Variants in BRIP1 observed in about 807,000 individuals in gnomAD.
BRIP1 encodes the protein Fanconi anemia group J protein.
Under a neutral mutation model 119.7 loss-of-function variants are expected in BRIP1, and 88 were observed. The ratio of observed to expected loss-of-function variants is 0.74; its 90% CI spans 0.62 to 0.88. BRIP1 has a LOEUF of 0.88. Among genes scored for constraint, BRIP1 ranks in the 40% least tolerant of loss-of-function variants. The probability of loss-of-function intolerance (pLI) is 0.00; values close to 1 mark genes in which losing one functional copy is unlikely to be tolerated. For missense variants in BRIP1, 1,259 were observed against 1,455.4 expected (o/e 0.87, Z 2.20); for synonymous variants, 443 against 496.5 (o/e 0.89, Z 1.43).
Position 61,802,083 on chromosome 17 carries a change from G to C in BRIP1, c.919-609C>G, listed in dbSNP as rs545337990. ...ATTATCCATAATTCTATTACACAAA[G>C]AATGCACTAGAAACATTTTGGTGTA... On this transcript the variant is annotated intron_variant, in intron 7 of 19. Transcript: ENST00000259008. This position sits in a 1 kb window ranked among gnomAD's most constrained non-coding sequence, Gnocchi z 6.0. Among the ~76,000 whole-genome samples the C allele has an allele frequency of 1.3e-5, 2 of 152,210 alleles. No individual in the cohort carries two copies. The highest frequency in any genetic ancestry group is 4.8e-5 in the African/African-American group (2 of 41,532).
In BRIP1 at chr17:61,847,118, A is replaced by G; in HGVS notation, c.610T>C (p.Ser204Pro). 1 of 1,613,798 alleles carries G rather than the reference A, an allele frequency of 6.2e-7. No homozygotes were observed. Among genetic ancestry groups the G allele is most frequent in the Non-Finnish European group, 8.5e-7 (1 of 1,179,818 alleles). ...ATACATACTTTCTGTGGCGAAAAGG[A>G]GTTTATCTTTTCCAGTGGAGAGTTG... ...KLNSPLEKIN[S>P]FSPQKPPGHC... is the part of the protein sequence containing the mutation. The change falls in exon 6 of 20, where the codon TCC (serine) becomes CCC (proline). Residue 204 changes from serine (S) to proline (P), a missense_variant. Physicochemically the swap from Ser to Pro is moderately conservative, Grantham distance 74. Transcript: ENST00000259008.
In BRIP1 at chr17:61,703,090, A is replaced by T. The variant is rs777266426; in HGVS notation, c.2493-9578T>A. Among the ~76,000 whole-genome samples the T allele has an allele frequency of 4.6e-5, 7 of 151,364 alleles. No individual in the cohort carries two copies. Among genetic ancestry groups the T allele is most frequent in the Non-Finnish European group, 1.0e-4 (7 of 67,920 alleles). ...TGTTTGTTTGTTTGTTTTGAGACAG[A>T]GTCTCACTCTATTGCCCAGGCTGAA... On this transcript the variant is annotated intron_variant, in intron 17 of 19. Transcript: ENST00000259008. This position sits in a 1 kb window ranked among gnomAD's most constrained non-coding sequence, Gnocchi z 5.0.
At position 61,831,721 on chromosome 17, in the gene BRIP1, T is replaced by G. The variant is rs2145623014; in HGVS notation, c.627+15380A>C. Among the ~76,000 whole-genome samples, 1 of 152,358 alleles carries G rather than the reference T, an allele frequency of 6.6e-6. No individual in the cohort carries two copies. Among genetic ancestry groups the G allele is most frequent in the Admixed American group, 6.5e-5 (1 of 15,304 alleles). On this transcript the variant is annotated intron_variant, in intron 6 of 19. Coordinates refer to ENST00000259008, the MANE Select transcript of BRIP1 (RefSeq NM_032043.3). This position sits in a 1 kb window ranked among gnomAD's most constrained non-coding sequence, Gnocchi z 4.1. ...ACTGGTGTACAAGTATCTGAGTACC[T>G]GCTTTCAATTCTTTTGGATATTTGC...
At chr17:61,801,656 C>T (rs1218073484) in intron 7 of BRIP1, among the ~76,000 whole-genome samples, 182 bp from the exon 8 acceptor site, 2 of 152,166 alleles carry the variant, frequency 1.3e-5, no homozygotes, top group African/African-American at 2.4e-5. Flanking sequence ...ACAATCACAA[C>T]GAAGTCTGGT....
At chr17:61,839,427 C>T (rs1603357967) in intron 6 of BRIP1, among the ~76,000 whole-genome samples, 1 of 151,638 alleles carries the variant, frequency 6.6e-6, no homozygotes, top group Non-Finnish European at 1.5e-5. Flanking sequence ...TTTCAGAAAG[C>T]ACATAAAATT....
chr17:61,770,712 A>G lies in BRIP1; in HGVS notation c.2097+5689T>C, dbSNP rs772740524. Among the ~76,000 whole-genome samples, 3 of 152,202 alleles carry G rather than the reference A, an allele frequency of 2.0e-5. No individual in the cohort carries two copies. The highest frequency in any genetic ancestry group is 2.9e-5 in the Non-Finnish European group (2 of 68,032). ...TAATCCAAACTACATAAGATGTTAA[A>G]TATAATTCCTAGGACAACCACTAAG... On this transcript the variant is annotated intron_variant, in intron 14 of 19. Coordinates refer to ENST00000259008, the MANE Select transcript of BRIP1 (RefSeq NM_032043.3). The surrounding 1 kb of genome is among the most constrained non-coding windows in gnomAD (Gnocchi z 4.7).
Position 61,816,444 on chromosome 17 carries a change from T to C in BRIP1, c.628-7687A>G, listed in dbSNP as rs180733363. On this transcript the variant is annotated intron_variant, in intron 6 of 19. Transcript: ENST00000259008. The surrounding 1 kb of genome is among the most constrained non-coding windows in gnomAD (Gnocchi z 5.0). ...TTAAGACAGATCCTTTTCACGGTTG[T>C]TTTTTGATACCATAAGTGTTTGTTA... 1.3e-5 allele frequency among the ~76,000 whole-genome samples: 2 copies of C among 152,324 alleles called. No homozygotes were observed. The highest frequency in any genetic ancestry group is 1.3e-4 in the Admixed American group (2 of 15,294).
In BRIP1 at chr17:61,725,791, T is replaced by TA. The variant is rs201604334; in HGVS notation, c.2380-9729dup. ...ATACGTGCCCCAACACCAGGCTAAT[T>TA]AAAAAAAAAAATTATTTTAGAGACG... On this transcript the variant is annotated intron_variant, in intron 16 of 19. Coordinates refer to ENST00000259008, the MANE Select transcript of BRIP1 (RefSeq NM_032043.3). This position sits in a 1 kb window ranked among gnomAD's most constrained non-coding sequence, Gnocchi z 5.3. 0.07 allele frequency among the ~76,000 whole-genome samples: 10,410 copies of TA among 148,766 alleles called. 560 individuals are homozygous for TA. Among genetic ancestry groups the TA allele is most frequent in the South Asian group, 0.26 (1,234 of 4,702 alleles).
rs565078834 is a variant in BRIP1 at position 61,857,193 on chromosome 17, C to T, written c.244G>A (p.Val82Ile). 1 of 1,614,054 alleles carries T rather than the reference C, an allele frequency of 6.2e-7. No individual in the cohort carries two copies. The highest frequency in any genetic ancestry group is 1.3e-5 in the African/African-American group (1 of 75,048). The change falls in exon 4 of 20, where the codon GTA becomes ATA. Residue 82 changes from valine to isoleucine, a missense_variant. This residue lies in a region of BRIP1 where 501 missense variants were observed against 544.0 expected (regional missense o/e 0.92). Coordinates refer to ENST00000259008, the MANE Select transcript of BRIP1 (RefSeq NM_032043.3). The surrounding 1 kb of genome is among the most constrained non-coding windows in gnomAD (Gnocchi z 5.1). ...ADEGVSEKAEVQLSCCCACHS... is the reference protein window; with the variant it reads ...ADEGVSEKAEIQLSCCCACHS... ...CATGCACAACAACATGACAATTGTA[C>T]TTCAGCTTTTTCACTTACGCCCTCA...
chr17:61,757,742 G>A lies in BRIP1; in HGVS notation c.2098-13151C>T, dbSNP rs2144813879. 6.6e-6 allele frequency among the ~76,000 whole-genome samples: 1 copy of A among 152,226 alleles called. No homozygotes were observed. The highest frequency in any genetic ancestry group is 2.4e-5 in the African/African-American group (1 of 41,548). On this transcript the variant is annotated intron_variant, in intron 14 of 19. Transcript: ENST00000259008. The surrounding 1 kb of genome is among the most constrained non-coding windows in gnomAD (Gnocchi z 4.3). Reference sequence around the variant, plus strand: ...AAGCCAGACGCGGTGGCTCACACCTGTAATCCCAGCACTTTGGGAGGCCAA... The same window carrying A: ...AAGCCAGACGCGGTGGCTCACACCTATAATCCCAGCACTTTGGGAGGCCAA...
At chr17:61,830,644 T>C (rs1377214304) in intron 6 of BRIP1, among the ~76,000 whole-genome samples, 1 of 152,200 alleles carries the variant, frequency 6.6e-6, no homozygotes, top group Non-Finnish European at 1.5e-5. Context: ...AATACTCCTA[T>C]ACTCATTTTT....
rs185197554 is a variant in BRIP1 at position 61,704,012 on chromosome 17, T to C, written c.2493-10500A>G. On this transcript the variant is annotated intron_variant, in intron 17 of 19. Transcript: ENST00000259008. This position sits in a 1 kb window ranked among gnomAD's most constrained non-coding sequence, Gnocchi z 5.7. ...TGAGGTCTTACACTTAAATCTTTAATCCATCTTGAGTTAATTTTAATCCAT... is the reference window on the plus strand; with the variant it reads ...TGAGGTCTTACACTTAAATCTTTAACCCATCTTGAGTTAATTTTAATCCAT... Among the ~76,000 whole-genome samples, 5 of 152,326 alleles carry C rather than the reference T, an allele frequency of 3.3e-5. No individual in the cohort carries two copies. The highest frequency in any genetic ancestry group is 7.2e-5 in the African/African-American group (3 of 41,576).
rs1212526276 is a variant in BRIP1 at position 61,824,286 on chromosome 17, A to C, written c.628-15529T>G. 6.9e-6 allele frequency among the ~76,000 whole-genome samples: 1 copy of C among 145,398 alleles called. No individual in the cohort carries two copies. Among genetic ancestry groups the C allele is most frequent in the Non-Finnish European group, 1.5e-5 (1 of 67,994 alleles). On this transcript the variant is annotated intron_variant, in intron 6 of 19. Coordinates refer to ENST00000259008, the MANE Select transcript of BRIP1 (RefSeq NM_032043.3). The surrounding 1 kb of genome is among the most constrained non-coding windows in gnomAD (Gnocchi z 4.3). ...GACGGTTCCTATCAATAACCCAATG[A>C]AGTTTCTTGCAGAAATAGAAAATAC...
Position 61,682,321 on chromosome 17 carries a change from T to C in BRIP1, c.*975A>G. 1.5e-5 allele frequency: 3 copies of C among 201,744 alleles called. No homozygotes were observed. In the East Asian group the frequency reaches 2.3e-4, roughly 16 times the overall value. 12.5% of individuals were successfully genotyped at this position (201,744 alleles called of 1,614,324 possible). ...GTGTTTGGTACTTATTACTCACTGATCCACTAGGAAAAATATATAATACTA... is the reference window on the plus strand; with the variant it reads ...GTGTTTGGTACTTATTACTCACTGACCCACTAGGAAAAATATATAATACTA... On this transcript the variant is annotated 3_prime_UTR_variant, in exon 20 of 20. Coordinates refer to ENST00000259008, the MANE Select transcript of BRIP1 (RefSeq NM_032043.3). This position sits in a 1 kb window ranked among gnomAD's most constrained non-coding sequence, Gnocchi z 4.9.
Position 61,744,616 on chromosome 17 carries a change from ATT to A in BRIP1, c.2098-27_2098-26del, listed in dbSNP as rs771278319. Reference sequence around the variant, plus strand: ...ACTAAAGAGGGGAAAGAAAAAAATGATTTTTTGTGTGTCTAGCTAAACAAACT... The same window carrying A: ...ACTAAAGAGGGGAAAGAAAAAAATGATTTTGTGTGTCTAGCTAAACAAACT... On this transcript the variant is annotated intron_variant, in intron 14 of 19. Transcript: ENST00000259008. This position sits in a 1 kb window ranked among gnomAD's most constrained non-coding sequence, Gnocchi z 5.0. 1 of 1,603,554 alleles carries A rather than the reference ATT, an allele frequency of 6.2e-7. No individual in the cohort carries two copies. Among genetic ancestry groups the A allele is most frequent in the East Asian group, 2.2e-5 (1 of 44,738 alleles).
intron 18 of BRIP1, among the ~76,000 whole-genome samples, chr17:61,692,791 CA>C (rs1567737023): frequency 1.3e-5 from 2 of 152,176 alleles, no homozygotes; most frequent in African/African-American, 2.4e-5. Context: ...TTAAATGGTG[CA>C]GTTGCTATGA....
At chr17:61,772,160 TATATATATATATATATATATATATA>T (rs2077459539) in intron 14 of BRIP1, among the ~76,000 whole-genome samples, 1 of 1,008 alleles carries the variant, frequency 9.9e-4, no homozygotes, top group South Asian at 0.019. Context: ...TGTGAGATTA[TATATATATATATATATATATATATA>T]TATATATATA....
At chr17:61,714,651 T>C (rs1441461821) in intron 17 of BRIP1, among the ~76,000 whole-genome samples, 1 of 152,172 alleles carries the variant, frequency 6.6e-6, no homozygotes, top group Non-Finnish European at 1.5e-5. Context: ...CTGTATAAAA[T>C]AATGATTTAA....
rs555034457 is a variant in BRIP1, at chr17:61,689,814, T to C, written c.2575+3616A>G. On this transcript the variant is annotated intron_variant, in intron 18 of 19. Transcript: ENST00000259008. The surrounding 1 kb of genome is among the most constrained non-coding windows in gnomAD (Gnocchi z 4.5). ...TTGCTTGAGCCGAGGAGTTTGAGATTAGCCTGGGCAACATAGTGAGACCCC... is the reference window on the plus strand; with the variant it reads ...TTGCTTGAGCCGAGGAGTTTGAGATCAGCCTGGGCAACATAGTGAGACCCC... 7.4e-4 allele frequency among the ~76,000 whole-genome samples: 112 copies of C among 152,154 alleles called. No individual in the cohort carries two copies. The South Asian group carries it at 0.021, about 29-fold the overall frequency.
Sources: allele counts gnomAD v4.1 joint callset (sites outside exome capture counted in the v4.1 genomes callset), GRCh38; gene constraint gnomAD v4.1.1; regional missense constraint gnomAD v4.1.1; non-coding constraint Gnocchi (gnomAD v3.1); transcripts MANE v1.5; gene names NCBI Gene and HGNC (gene_info 2026-07-23, HGNC 2026-07-21).